The following NCAM2 variants were observed in gnomAD, a reference collection of about 807,000 sequenced individuals.
The protein encoded by NCAM2 is neural cell adhesion molecule 2, also known as N-CAM-2.
A neutral mutation model predicts 98.1 loss-of-function variants in NCAM2; 30 were observed. That is an observed-to-expected ratio of 0.31 (90% CI 0.23 to 0.41). The LOEUF (loss-of-function observed/expected upper bound fraction) is 0.41, where lower values mean the gene tolerates loss of function less well. NCAM2 is among the 10% of genes least tolerant of loss of function. The pLI, the probability that NCAM2 is intolerant of heterozygous loss-of-function variation, is 1.00. For missense variants in NCAM2, 867 were observed against 1,005.8 expected (o/e 0.86, Z 1.87); for synonymous variants, 368 against 342.4 (o/e 1.07, Z -0.83).
chr21:21,534,943 AGTCT>A (rs1161594622), intron 17 of NCAM2, among the ~76,000 whole-genome samples: 11 of 152,258 alleles, frequency 7.2e-5, no homozygotes, highest in Non-Finnish European at 1.3e-4. Context: ...TTTCAACAAT[AGTCT>A]GTCTTTTTAA....
chr21:21,316,455 C>G (rs2074221873), intron 5 of NCAM2, among the ~76,000 whole-genome samples: 1 of 150,990 alleles, frequency 6.6e-6, no homozygotes, highest in African/African-American at 2.4e-5. Flanking sequence ...TAAGATGTTA[C>G]AGTAAAATGA....
chr21:21,484,312 G>T (rs1299270719), intron 15 of NCAM2, among the ~76,000 whole-genome samples: 1 of 152,052 alleles, frequency 6.6e-6, no homozygotes, highest in African/African-American at 2.4e-5. Flanking sequence ...TAATGACTTT[G>T]TGTAAATCTT....
At chr21:21,423,996 G>T (rs1482856197) in intron 11 of NCAM2, among the ~76,000 whole-genome samples, 1 of 152,014 alleles carries the variant, frequency 6.6e-6, no homozygotes, top group Non-Finnish European at 1.5e-5. Context: ...CCAGACCTTT[G>T]CTCCATAACA....
At chr21:21,049,007 C>G (rs1003936118) in intron 1 of NCAM2, among the ~76,000 whole-genome samples, 1 of 125,962 alleles carries the variant, frequency 7.9e-6, no homozygotes, top group Non-Finnish European at 1.6e-5. Flanking sequence ...TTTATATTTA[C>G]TATTAATTTT....
chr21:21,191,960 C>G (rs8127329), intron 1 of NCAM2, among the ~76,000 whole-genome samples: 48,477 of 151,916 alleles, frequency 0.32, 8,926 homozygotes, highest in Non-Finnish European at 0.43. Flanking sequence ...GGTGGCTCAT[C>G]CCTGTAATCC....
chr21:21,236,138 A>C (rs1241436677), intron 1 of NCAM2, among the ~76,000 whole-genome samples: 1 of 149,686 alleles, frequency 6.7e-6, no homozygotes, highest in Non-Finnish European at 1.5e-5. Context: ...TTTACCCTCT[A>C]TGAAACTTCC....
chr21:21,430,649 A>G (rs1184926495), intron 11 of NCAM2, among the ~76,000 whole-genome samples: 1 of 151,598 alleles, frequency 6.6e-6, no homozygotes, highest in Non-Finnish European at 1.5e-5. Flanking sequence ...ATCTTATCTC[A>G]TGAGACTTAT....
intron 1 of NCAM2, among the ~76,000 whole-genome samples, chr21:21,090,200 G>C (rs539485590): frequency 6.6e-6 from 1 of 152,160 alleles, no homozygotes; most frequent in Non-Finnish European, 1.5e-5. Context: ...AGGTTAAGAA[G>C]CACTGCTTTT....
intron 1 of NCAM2, among the ~76,000 whole-genome samples, chr21:21,272,864 A>G (rs1287059915): frequency 1.3e-5 from 2 of 148,976 alleles, no homozygotes; most frequent in Non-Finnish European, 3.0e-5. Context: ...TAAATTTTTC[A>G]AAGTAATATG....
At chr21:21,210,732 T>C (rs1274121335) in intron 1 of NCAM2, 10 of 985,440 alleles carry the variant, frequency 1.0e-5, no homozygotes, top group Non-Finnish European at 1.3e-5. Context: ...CTATAAGGAA[T>C]GTCAAAATGT....
chr21:21,265,120 ATATAT>A (rs200198725), intron 1 of NCAM2, among the ~76,000 whole-genome samples: 76,130 of 104,198 alleles, frequency 0.73, 28,668 homozygotes, highest in South Asian at 0.82. Context: ...ATATACATAC[ATATAT>A]TATATATACA....
chr21:21,164,805 G>C (rs1457908481), intron 1 of NCAM2, among the ~76,000 whole-genome samples: 1 of 152,020 alleles, frequency 6.6e-6, no homozygotes, highest in African/African-American at 2.4e-5. Context: ...GAATCAAACA[G>C]ATAAAAACTT....
At chr21:21,305,825 T>C (rs961896966) in intron 5 of NCAM2, among the ~76,000 whole-genome samples, 4 of 152,164 alleles carry the variant, frequency 2.6e-5, no homozygotes, top group Admixed American at 2.6e-4. Flanking sequence ...TTTCTCAAGG[T>C]TAAACCTGAT....
chr21:21,087,284 G>A (rs2065924029), intron 1 of NCAM2, among the ~76,000 whole-genome samples: 1 of 152,098 alleles, frequency 6.6e-6, no homozygotes. Flanking sequence ...CTTGCTTCAC[G>A]AAACTGACTT....
intron 1 of NCAM2, among the ~76,000 whole-genome samples, chr21:21,139,627 G>A (rs959112999): frequency 1.3e-5 from 2 of 152,068 alleles, no homozygotes; most frequent in Non-Finnish European, 2.9e-5. Flanking sequence ...TAAATATTCA[G>A]GTAGTTTTTT....
chr21:21,214,092 T>G (rs2069767576), intron 1 of NCAM2, among the ~76,000 whole-genome samples: 1 of 152,168 alleles, frequency 6.6e-6, no homozygotes, highest in Admixed American at 6.5e-5. Context: ...TTATTTTCCT[T>G]GCTTCTCTGA....
chr21:21,071,411 G>A (rs900102857), intron 1 of NCAM2, among the ~76,000 whole-genome samples: 12 of 152,096 alleles, frequency 7.9e-5, no homozygotes, highest in African/African-American at 2.9e-4. Flanking sequence ...AAAATAAAAT[G>A]TTCTGGGAGA....
intron 1 of NCAM2, among the ~76,000 whole-genome samples, chr21:21,131,343 A>G (rs1974161): frequency 0.96 from 145,893 of 151,628 alleles, 70,372 homozygotes; most frequent in East Asian, 1. Context: ...GCATGATCTC[A>G]GCTCACTGCA....
At chr21:21,228,185 T>C (rs541953004) in intron 1 of NCAM2, among the ~76,000 whole-genome samples, 1 of 151,726 alleles carries the variant, frequency 6.6e-6, no homozygotes, top group Non-Finnish European at 1.5e-5. Context: ...TCACTAGTAA[T>C]CAGACAAATG....
Sources: allele counts gnomAD v4.1 joint callset (sites outside exome capture counted in the v4.1 genomes callset), GRCh38; gene constraint gnomAD v4.1.1; transcripts MANE v1.5; gene names NCBI Gene and HGNC (gene_info 2026-07-23, HGNC 2026-07-21).